Variants in FTO observed in about 807,000 individuals in gnomAD.
The protein encoded by FTO is alpha-ketoglutarate-dependent dioxygenase FTO.
FTO carries 47 observed loss-of-function variants against 63.9 expected under a neutral mutation model. The observed-to-expected ratio is 0.74, with a 90% CI of 0.58 to 0.94. The LOEUF (loss-of-function observed/expected upper bound fraction) is 0.94. Ranked by LOEUF, FTO falls within the 40% of genes least tolerant of loss-of-function variation. The pLI, the probability that FTO is intolerant of heterozygous loss-of-function variation, is 0.00. For synonymous variants in FTO, 207 were observed against 224.4 expected (o/e 0.92, Z 0.69); for missense variants, 562 against 618.1 (o/e 0.91, Z 0.96).
intron 8 of FTO, among the ~76,000 whole-genome samples, chr16:54,064,984 A>T (rs1207325338): frequency 6.6e-6 from 1 of 152,130 alleles, no homozygotes; most frequent in Non-Finnish European, 1.5e-5. Context: ...CTGATGTGCA[A>T]GGATGCTCCT....
At chr16:53,703,999 C>G (rs527438785), upstream of FTO, 230 of 682,070 alleles carry the variant, frequency 3.4e-4, no homozygotes, top group Non-Finnish European at 4.8e-4. Context: ...GGAAATTCTC[C>G]TGTGCTAAAT....
chr16:53,928,343 T>G (rs2143139470), intron 7 of FTO, among the ~76,000 whole-genome samples: 1 of 152,320 alleles, frequency 6.6e-6, no homozygotes, highest in East Asian at 1.9e-4. Flanking sequence ...AGAATGTGTT[T>G]TTGGTAATAG....
intron 1 of FTO, among the ~76,000 whole-genome samples, chr16:53,742,323 T>A (rs1040667299): frequency 6.6e-6 from 1 of 152,178 alleles, no homozygotes; most frequent in African/African-American, 2.4e-5. Context: ...ATTAGAACTA[T>A]GCCATATGGC....
intron 1 of FTO, among the ~76,000 whole-genome samples, chr16:53,713,384 G>A (rs1222505689): frequency 6.6e-6 from 1 of 152,236 alleles, no homozygotes; most frequent in East Asian, 1.9e-4. Flanking sequence ...CTAGAGGAGA[G>A]GAACTTTTGT....
chr16:54,048,083 G>A (rs1269059701), intron 8 of FTO, among the ~76,000 whole-genome samples: 1 of 74,080 alleles, frequency 1.3e-5, no homozygotes, highest in African/African-American at 1.1e-4. Context: ...TGCACAATGT[G>A]CACATGTACC....
intron 2 of FTO, 71 bp downstream of exon 2, chr16:53,810,288 G>C: frequency 8.9e-7 from 1 of 1,122,950 alleles, no homozygotes; most frequent in Admixed American, 1.7e-5. Context: ...CTATGAGGAA[G>C]CTGGGCTAGA....
chr16:53,955,043 C>G (rs6499656), intron 8 of FTO, among the ~76,000 whole-genome samples: 132,470 of 152,080 alleles, frequency 0.87, 58,181 homozygotes, highest in African/African-American at 0.97. Flanking sequence ...AAAGTTTCTC[C>G]TGTTTCTGTC....
At chr16:53,893,568 A>G (rs2081206023) in intron 7 of FTO, among the ~76,000 whole-genome samples, 1 of 152,194 alleles carries the variant, frequency 6.6e-6, no homozygotes, top group Non-Finnish European at 1.5e-5. Flanking sequence ...ACCTATAAAA[A>G]TGTTTTAACA....
At chr16:53,880,961 A>AG (rs1482142374) in intron 6 of FTO, among the ~76,000 whole-genome samples, 2 of 148,600 alleles carry the variant, frequency 1.3e-5, no homozygotes, top group Non-Finnish European at 3.0e-5. Flanking sequence ...AAAAAAAAAA[A>AG]AATACAAAAA....
At chr16:53,905,907 G>T (rs2081526177) in intron 7 of FTO, among the ~76,000 whole-genome samples, 1 of 152,064 alleles carries the variant, frequency 6.6e-6, no homozygotes, top group South Asian at 2.1e-4. Context: ...TTTGTTGAAT[G>T]CCTTGCTCTT....
At chr16:53,760,108 T>G (rs896491507) in intron 1 of FTO, among the ~76,000 whole-genome samples, 4 of 152,156 alleles carry the variant, frequency 2.6e-5, no homozygotes, top group Non-Finnish European at 5.9e-5. Context: ...GTTATTGTAT[T>G]CCTGAGCCTT....
chr16:54,000,327 GGA>G (rs1159351405), intron 8 of FTO, among the ~76,000 whole-genome samples: 1 of 152,166 alleles, frequency 6.6e-6, no homozygotes, highest in East Asian at 1.9e-4. Context: ...AAGAAAAACA[GGA>G]GAGTTGAAAT....
rs35605359 is a variant in FTO at position 53,753,252 on chromosome 16, C to CAAAA, written c.45+49036_45+49039dup. ...TGGGCAACAGAGAGAGACCCTGTCTCAAAAAAAAAAAAAAAACAAAACAAA... is the reference window on the plus strand; with the variant it reads ...TGGGCAACAGAGAGAGACCCTGTCTCAAAAAAAAAAAAAAAAAAAACAAAACAAA... On this transcript the variant is annotated intron_variant, in intron 1 of 8. Transcript: ENST00000471389. Among the ~76,000 whole-genome samples the CAAAA allele has an allele frequency of 2.1e-4, 16 of 77,962 alleles. No homozygotes were observed. In the South Asian group the frequency reaches 2.9e-3, roughly 14 times the overall value. 51.1% of individuals were successfully genotyped at this position (77,962 alleles called of 152,430 possible).
Position 53,810,200 on chromosome 16 carries a change from G to A in FTO, c.106G>A (p.Asp36Asn). ...GCTCCCTTATCTGACCCCCAAAGAT[G>A]ATGAATTCTATCAGCAGGTAAGGTA... ...TWLPYLTPKD[D>N]EFYQQWQLKY... is the part of the protein sequence containing the mutation. Residue 36 changes from aspartate to asparagine, a missense_variant, in exon 2 of 9, where the codon GAT becomes AAT. Physicochemically the swap from Asp to Asn is conservative, Grantham distance 23 (BLOSUM62 1). Transcript: ENST00000471389. 1 of 1,605,992 alleles carries A rather than the reference G, an allele frequency of 6.2e-7. No individual in the cohort carries two copies. The highest frequency in any genetic ancestry group is 1.3e-5 in the African/African-American group (1 of 74,830).
At chr16:53,729,323 T>G (rs2076219535) in intron 1 of FTO, among the ~76,000 whole-genome samples, 1 of 151,576 alleles carries the variant, frequency 6.6e-6, no homozygotes, top group South Asian at 2.1e-4. Context: ...GGTCAGGAGA[T>G]GGAGACCATC....
At chr16:53,960,853 G>A (rs551000086) in intron 8 of FTO, among the ~76,000 whole-genome samples, 2 of 152,148 alleles carry the variant, frequency 1.3e-5, no homozygotes, top group Admixed American at 1.3e-4. Flanking sequence ...TGATAAACTT[G>A]TTTGGATTTC....
chr16:53,966,582 G>A (rs1306513644), intron 8 of FTO, among the ~76,000 whole-genome samples: 1 of 152,182 alleles, frequency 6.6e-6, no homozygotes, highest in African/African-American at 2.4e-5. Context: ...ACATTCTCAA[G>A]ATCTTTTGTT....
chr16:53,869,207 A>T (rs1211707740), intron 4 of FTO, among the ~76,000 whole-genome samples: 1 of 150,950 alleles, frequency 6.6e-6, no homozygotes. Flanking sequence ...TCCTCTCAAC[A>T]CCTTAAGTAT....
chr16:53,713,222 A>G (rs1049671507), intron 1 of FTO, among the ~76,000 whole-genome samples: 1 of 152,206 alleles, frequency 6.6e-6, no homozygotes, highest in Non-Finnish European at 1.5e-5. Flanking sequence ...TGTTCAACAC[A>G]TACTTTAGCA....
Sources: allele counts gnomAD v4.1 joint callset (sites outside exome capture counted in the v4.1 genomes callset), GRCh38; gene constraint gnomAD v4.1.1; transcripts MANE v1.5; gene names NCBI Gene and HGNC (gene_info 2026-07-23, HGNC 2026-07-21).